The following NSD2 variants were observed in gnomAD, a reference collection of about 807,000 sequenced individuals.
The protein encoded by NSD2 is nuclear receptor binding SET domain protein 2.
In NSD2, 12 loss-of-function variants were observed where a neutral mutation model predicts 139.0. The ratio of observed to expected loss-of-function variants is 0.09; its 90% CI spans 0.06 to 0.14. The LOEUF is 0.14. NSD2 is among the 10% of genes least tolerant of loss of function. The probability of loss-of-function intolerance (pLI) is 1.00; values close to 1 mark genes in which losing one functional copy is unlikely to be tolerated. For missense variants in NSD2, 1,155 were observed against 1,745.0 expected (o/e 0.66, Z 6.02); for synonymous variants, 669 against 648.7 (o/e 1.03, Z -0.48).
chr4:1,940,589 T>A, intron 9 of NSD2: 1 of 1,063,848 alleles, frequency 9.4e-7, no homozygotes, highest in East Asian at 5.0e-5. Flanking sequence ...TTCTTGTTAT[T>A]TGGTTCTCCG....
chr4:1,934,358 T>C (rs768776650), intron 6 of NSD2, among the ~76,000 whole-genome samples: 1 of 151,526 alleles, frequency 6.6e-6, no homozygotes, highest in African/African-American at 2.4e-5. Flanking sequence ...GTATTGGGAT[T>C]ACAGGCATGA....
chr4:1,917,092 T>A, intron 4 of NSD2, 55 bp downstream of exon 4: 1 of 1,460,322 alleles, frequency 6.8e-7, no homozygotes, highest in East Asian at 2.5e-5. Flanking sequence ...TTTTATTCTT[T>A]AAGTTAACTT....
chr4:1,953,640 G>T, intron 12 of NSD2, 116 bp downstream of exon 12: 1 of 1,311,796 alleles, frequency 7.6e-7, no homozygotes, highest in Non-Finnish European at 1.0e-6. Context: ...TAATTATCTT[G>T]AGTGACTAAC....
chr4:1,936,815 G>C (rs556585044), intron 7 of NSD2, among the ~76,000 whole-genome samples: 7 of 152,226 alleles, frequency 4.6e-5, no homozygotes, highest in South Asian at 4.1e-4. Context: ...TTGCTAAGGT[G>C]TAAATATGTG....
At chr4:1,891,696 C>G (rs1470827825) in intron 1 of NSD2, among the ~76,000 whole-genome samples, 2 of 151,730 alleles carry the variant, frequency 1.3e-5, no homozygotes, top group Non-Finnish European at 2.9e-5. Flanking sequence ...ATCAAAAATA[C>G]AAAAATAAAA....
intron 9 of NSD2, 76 bp from the exon 10 acceptor site, chr4:1,950,996 C>T (rs1044951251): frequency 9.9e-5 from 155 of 1,568,704 alleles, no homozygotes; most frequent in South Asian, 2.1e-4. Flanking sequence ...TGGGGCGGGA[C>T]GAGCCTGCCT....
chr4:1,940,791 AGT>A, intron 9 of NSD2: 2 of 1,058,952 alleles, frequency 1.9e-6, no homozygotes, highest in Non-Finnish European at 2.3e-6. Flanking sequence ...GGTGTGCCTC[AGT>A]TGTTTCCACT....
In NSD2 at chr4:1,972,057, G is replaced by T. The variant is rs910482562; in HGVS notation, c.3373-2806G>T. Among the ~76,000 whole-genome samples, 4 of 152,230 alleles carry T rather than the reference G, an allele frequency of 2.6e-5. No individual in the cohort carries two copies. Among genetic ancestry groups the T allele is most frequent in the Admixed American group, 1.3e-4 (2 of 15,278 alleles). On this transcript the variant is annotated intron_variant, in intron 18 of 21. Transcript: ENST00000508803. This position sits in a 1 kb window ranked among gnomAD's most constrained non-coding sequence, Gnocchi z 4.0. ...ATGCAGGCAGGGCAGAAACAGCAGA[G>T]CAGCAAGAGGCAAACAGTGTCTCTC...
At chr4:1,924,033 C>G (rs1327160651) in intron 5 of NSD2, among the ~76,000 whole-genome samples, 2 of 152,160 alleles carry the variant, frequency 1.3e-5, no homozygotes, top group African/African-American at 4.8e-5. Context: ...AGGCAGGAGC[C>G]ATTAACACCT....
chr4:1,925,419 G>A (rs1720753751), intron 5 of NSD2, among the ~76,000 whole-genome samples: 3 of 38,964 alleles, frequency 7.7e-5, no homozygotes, highest in African/African-American at 3.3e-4. Flanking sequence ...TTTTTTTTGA[G>A]ATGGAGTTTT....
At chr4:1,890,023 A>C (rs1203730534) in intron 1 of NSD2, among the ~76,000 whole-genome samples, 2 of 151,984 alleles carry the variant, frequency 1.3e-5, no homozygotes, top group East Asian at 3.9e-4. Flanking sequence ...CAGCCATTCT[A>C]CTTCTGTCTT....
chr4:1,935,176 A>C lies in NSD2; in HGVS notation c.1588A>C (p.Lys530Gln). The C allele has an allele frequency of 6.2e-7, 1 of 1,612,966 alleles. No individual in the cohort carries two copies. The highest frequency in any genetic ancestry group is 8.5e-7 in the Non-Finnish European group (1 of 1,179,388). The change falls in exon 7 of 22, where the codon AAG becomes CAG. Residue 530 changes from lysine (K) to glutamine (Q), a missense_variant. Lys to Gln is a moderately conservative substitution (Grantham distance 53, BLOSUM62 1). Around this residue, in one of 8 missense-constraint regions of NSD2, gnomAD observed 420 missense variants for 469.0 expected, o/e 0.90. Transcript: ENST00000508803. ...NVNGKKRNHT[K>Q]RIQDPTEDAE... The stretch of plus-strand genomic sequence containing the variant: ...AAATGGGAAAAAAAGAAACCACACA[A>C]AGAGGATACAGGACCCTACAGAAGA...
At chr4:1,934,638 A>G (rs1229290003) in intron 6 of NSD2, among the ~76,000 whole-genome samples, 1 of 149,580 alleles carries the variant, frequency 6.7e-6, no homozygotes, top group Non-Finnish European at 1.5e-5. Context: ...TCACGAGGAC[A>G]GGAGTTCGAG....
At position 1,959,501 on chromosome 4, in the gene NSD2, T is replaced by C. The variant is rs142100377; in HGVS notation, c.3016T>C (p.Tyr1006His). ...TAAGCCTTACGGGAAAGTCCAGATC[T>C]ACACAGCGGATATTTCAGAAATCCC... ...VNKPYGKVQI[Y>H]TADISEIPKC... The change falls in exon 17 of 22, where the codon TAC (tyrosine) becomes CAC (histidine). Residue 1006 changes from tyrosine to histidine, a missense_variant. Physicochemically the swap from Tyr to His is moderately conservative, Grantham distance 83. Around this residue, in one of 8 missense-constraint regions of NSD2, gnomAD observed 139 missense variants for 485.8 expected, o/e 0.29. Coordinates refer to ENST00000508803, the MANE Select transcript of NSD2 (RefSeq NM_001042424.3). 387 of 1,614,116 alleles carry C rather than the reference T, an allele frequency of 2.4e-4. 2 individuals are homozygous for C. Among genetic ancestry groups the C allele is most frequent in the Non-Finnish European group, 1.3e-4 (154 of 1,180,048 alleles).
intron 7 of NSD2, 146 bp downstream of exon 7, chr4:1,935,408 C>T (rs975101829): frequency 6.4e-6 from 4 of 628,056 alleles, no homozygotes; most frequent in Non-Finnish European, 1.1e-5. Flanking sequence ...AGAAGGCTTG[C>T]ATTTCTTACA....
intron 19 of NSD2, 29 bp downstream of exon 19, chr4:1,975,033 C>T (rs757618633): frequency 1.2e-6 from 2 of 1,613,556 alleles, no homozygotes; most frequent in Admixed American, 1.7e-5. Context: ...CTGCATGGGG[C>T]TCCTGGCTAT....
chr4:1,952,966 A>G (rs954494646), intron 11 of NSD2: 1 of 1,432,266 alleles, frequency 7.0e-7, no homozygotes, highest in Non-Finnish European at 9.1e-7. Context: ...CCAGAATGAT[A>G]AGTGACTGCT....
chr4:1,947,932 C>T (rs1366578219), intron 9 of NSD2: 14 of 1,056,214 alleles, frequency 1.3e-5, no homozygotes, highest in Middle Eastern at 4.3e-4. Flanking sequence ...CATCTGACTG[C>T]GGCTCATACA....
chr4:1,889,708 AGG>A (rs1715384392), intron 1 of NSD2, among the ~76,000 whole-genome samples: 2 of 151,882 alleles, frequency 1.3e-5, no homozygotes, highest in Admixed American at 6.6e-5. Context: ...CATGTTGGTC[AGG>A]CTGGTCCTCA....
Sources: allele counts gnomAD v4.1 joint callset (sites outside exome capture counted in the v4.1 genomes callset), GRCh38; gene constraint gnomAD v4.1.1; regional missense constraint gnomAD v4.1.1; non-coding constraint Gnocchi (gnomAD v3.1); transcripts MANE v1.5; gene names NCBI Gene and HGNC (gene_info 2026-07-23, HGNC 2026-07-21).